DLG2: variants seen among roughly 807,000 people sequenced by gnomAD.
DLG2 encodes discs large MAGUK scaffold protein 2, also known as disks large homolog 2.
A neutral mutation model predicts 132.5 loss-of-function variants in DLG2; 45 were observed. That is an observed-to-expected ratio of 0.34 (90% confidence interval 0.27 to 0.44). The LOEUF (loss-of-function observed/expected upper bound fraction) is 0.44. Ranked by LOEUF, DLG2 falls within the 20% of genes least tolerant of loss-of-function variation. The pLI is 1.00. For synonymous variants in DLG2, 424 were observed against 419.6 expected, an observed-to-expected ratio of 1.01 and a Z score of -0.13; for missense variants, 1,045 against 1,196.9, an observed-to-expected ratio of 0.87 and a Z score of 1.87.
At chr11:83,983,190 G>A (rs1439233791) in intron 11 of DLG2, among the ~76,000 whole-genome samples, 1 of 152,026 alleles carries the variant, frequency 6.6e-6, no homozygotes, top group Non-Finnish European at 1.5e-5. Flanking sequence ...ATCTCTTTCA[G>A]AATATGTTTG....
chr11:84,748,592 T>C (rs1484857289), intron 6 of DLG2, among the ~76,000 whole-genome samples: 5 of 152,198 alleles, frequency 3.3e-5, no homozygotes, highest in African/African-American at 1.2e-4. Flanking sequence ...TATTTGCTAA[T>C]TTATTTGTAT....
chr11:83,661,074 A>G (rs2074136661), intron 18 of DLG2, among the ~76,000 whole-genome samples: 1 of 152,144 alleles, frequency 6.6e-6, no homozygotes, highest in South Asian at 2.1e-4. Context: ...CTCTGCTTGT[A>G]GTAACAGAAA....
At chr11:83,904,744 G>C (rs139576618) in intron 15 of DLG2, among the ~76,000 whole-genome samples, 296 of 151,640 alleles carry the variant, frequency 2.0e-3, no homozygotes, top group African/African-American at 6.7e-3. Flanking sequence ...CCTAATAAAA[G>C]ATTCAAGTTC....
chr11:85,421,339 C>A (rs2090291478), intron 3 of DLG2, among the ~76,000 whole-genome samples: 2 of 152,132 alleles, frequency 1.3e-5, no homozygotes, highest in East Asian at 1.9e-4. Flanking sequence ...GAAATCACAC[C>A]CCTCCTGCGT....
rs115499946 is a variant in DLG2, at chr11:85,480,197, C to T, written c.40+118460G>A. Among the ~76,000 whole-genome samples, 287 of 152,310 alleles carry T rather than the reference C, an allele frequency of 1.9e-3. 1 individual carries two copies. Among genetic ancestry groups the T allele is most frequent in the African/African-American group, 6.4e-3 (267 of 41,576 alleles). ...AAATCGGCACAATCACTTTAGAGAA[C>T]ATGCAGTAAACCTGAAGATAGACAT... is the stretch of plus-strand genomic sequence containing the variant. On this transcript the variant is annotated intron_variant, in intron 3 of 27. Coordinates refer to ENST00000376104, the MANE Select transcript of DLG2 (RefSeq NM_001142699.3).
intron 19 of DLG2, among the ~76,000 whole-genome samples, chr11:83,591,535 A>G: frequency 1.1e-5 from 1 of 91,830 alleles, no homozygotes; most frequent in African/African-American, 4.6e-5. Flanking sequence ...AGCCAATATC[A>G]TACTGAATGG....
intron 3 of DLG2, among the ~76,000 whole-genome samples, chr11:85,410,364 T>A (rs2089200799): frequency 6.6e-6 from 1 of 151,728 alleles, no homozygotes; most frequent in Non-Finnish European, 1.5e-5. Context: ...TAAATATAAA[T>A]TAAGTACAAA....
intron 21 of DLG2, among the ~76,000 whole-genome samples, chr11:83,489,171 A>G (rs1488927147): frequency 2.6e-5 from 4 of 151,962 alleles, no homozygotes; most frequent in Admixed American, 6.6e-5. Context: ...GAAAACCTCT[A>G]TTTACTCCCA....
chr11:83,555,418 A>G lies in DLG2; in HGVS notation c.1941-13560T>C, dbSNP rs1389635344. Among the ~76,000 whole-genome samples, 151 of 152,348 alleles carry G rather than the reference A, an allele frequency of 9.9e-4. 1 individual carries two copies. The highest frequency in any genetic ancestry group is 9.8e-3 in the Admixed American group (150 of 15,300). On this transcript the variant is annotated intron_variant, in intron 19 of 27. Coordinates refer to ENST00000376104, the MANE Select transcript of DLG2 (RefSeq NM_001142699.3). ...TGGATTGGAGAACCATAGATTGGGC[A>G]AGACAGGATGTTGAGATCCCAGGTA...
chr11:83,577,911 T>A (rs1262222488), intron 19 of DLG2, among the ~76,000 whole-genome samples: 1 of 128,162 alleles, frequency 7.8e-6, no homozygotes, highest in African/African-American at 2.9e-5. Flanking sequence ...TATATATGTA[T>A]AATTATATAT....
chr11:83,986,545 C>A (rs1239991381), intron 11 of DLG2, among the ~76,000 whole-genome samples: 1 of 151,072 alleles, frequency 6.6e-6, no homozygotes, highest in Non-Finnish European at 1.5e-5. Context: ...TTTATAGCAG[C>A]AAGATTTATA....
chr11:84,192,026 G>T (rs1168672454), intron 8 of DLG2, among the ~76,000 whole-genome samples: 1 of 139,192 alleles, frequency 7.2e-6, no homozygotes, highest in African/African-American at 2.6e-5. Flanking sequence ...ATACAGATTT[G>T]CTAGAACATA....
intron 7 of DLG2, among the ~76,000 whole-genome samples, chr11:84,429,258 C>T (rs1601950604): frequency 6.6e-6 from 1 of 152,228 alleles, no homozygotes; most frequent in Admixed American, 6.5e-5. Flanking sequence ...CAAATGAGTA[C>T]AAATCTTTCC....
intron 6 of DLG2, among the ~76,000 whole-genome samples, chr11:84,648,891 T>G (rs2099678196): frequency 6.6e-6 from 1 of 151,990 alleles, no homozygotes; most frequent in African/African-American, 2.4e-5. Flanking sequence ...AAATAAAAAT[T>G]TTTTTCTTTA....
At chr11:83,983,668 T>A (rs867332425) in intron 11 of DLG2, among the ~76,000 whole-genome samples, 1 of 152,066 alleles carries the variant, frequency 6.6e-6, no homozygotes, top group East Asian at 1.9e-4. Flanking sequence ...GCAAGTGTTA[T>A]CTAATTTCCT....
intron 11 of DLG2, among the ~76,000 whole-genome samples, chr11:83,988,949 A>G (rs956712084): frequency 1.7e-5 from 1 of 57,500 alleles, no homozygotes; most frequent in African/African-American, 7.4e-5. Context: ...TGAAAACATA[A>G]GCTCTGTAAT....
chr11:83,961,911 G>T (rs776829455), intron 14 of DLG2, among the ~76,000 whole-genome samples: 1 of 151,954 alleles, frequency 6.6e-6, no homozygotes, highest in African/African-American at 2.4e-5. Flanking sequence ...CCATTCCTTG[G>T]CTAAAGATAT....
chr11:83,636,895 C>T (rs947379581), intron 18 of DLG2, among the ~76,000 whole-genome samples: 19 of 152,136 alleles, frequency 1.2e-4, no homozygotes, highest in Non-Finnish European at 2.6e-4. Flanking sequence ...CCTACTTTGA[C>T]AGTCATCTCA....
intron 18 of DLG2, among the ~76,000 whole-genome samples, chr11:83,758,659 G>A (rs2093760205): frequency 6.6e-6 from 1 of 151,988 alleles, no homozygotes. Flanking sequence ...CATGCTTTGA[G>A]ATTAAATGAA....
Sources: gnomAD v4.1 joint callset for allele counts (sites outside exome capture counted in the v4.1 genomes callset) on GRCh38, gnomAD v4.1.1 for gene constraint, MANE v1.5 for transcripts, NCBI Gene and HGNC (gene_info 2026-07-23, HGNC 2026-07-21) for gene names.